The following PCDH9 variants were observed in gnomAD, a reference collection of about 807,000 sequenced individuals.
The protein encoded by PCDH9 is protocadherin-9.
PCDH9 carries 24 observed loss-of-function variants against 70.6 expected under a neutral mutation model. That is an observed-to-expected ratio of 0.34 (90% CI 0.25 to 0.48). PCDH9 has a LOEUF of 0.48. Among genes scored for constraint, PCDH9 ranks in the 20% least tolerant of loss-of-function variants. PCDH9 has a pLI of 0.99. For synonymous variants in PCDH9, 562 were observed against 558.5 expected, an observed-to-expected ratio of 1.01 and a Z score of -0.09; for missense variants, 1,281 against 1,503.6, an observed-to-expected ratio of 0.85 and a Z score of 2.45.
intron 4 of PCDH9, among the ~76,000 whole-genome samples, chr13:66,454,195 C>T (rs962942007): frequency 2.0e-5 from 3 of 151,634 alleles, no homozygotes; most frequent in African/African-American, 7.3e-5. Context: ...AACTAATTTG[C>T]AGCTTGTGAG....
intron 4 of PCDH9, among the ~76,000 whole-genome samples, chr13:66,583,476 G>T (rs185745059): frequency 4.6e-5 from 7 of 151,916 alleles, no homozygotes; most frequent in South Asian, 2.1e-4. Context: ...GCTGGGCTTG[G>T]GGGGACGCGC....
intron 2 of PCDH9, among the ~76,000 whole-genome samples, chr13:66,936,780 T>A (rs2082922582): frequency 1.3e-5 from 2 of 152,210 alleles, no homozygotes; most frequent in Non-Finnish European, 2.9e-5. Flanking sequence ...TAGTGAGCTA[T>A]CAGCAAGTTC....
intron 3 of PCDH9, among the ~76,000 whole-genome samples, chr13:66,845,759 C>T (rs2081197386): frequency 6.6e-6 from 1 of 152,140 alleles, no homozygotes; most frequent in Non-Finnish European, 1.5e-5. Flanking sequence ...AATACTTTTG[C>T]CATAGGTTGT....
At chr13:66,655,799 C>A (rs2077920183) in intron 3 of PCDH9, among the ~76,000 whole-genome samples, 1 of 152,116 alleles carries the variant, frequency 6.6e-6, no homozygotes, top group South Asian at 2.1e-4. Flanking sequence ...GTATTTACTC[C>A]TAATTGTGTT....
chr13:67,189,318 T>A (rs533430629), intron 2 of PCDH9, among the ~76,000 whole-genome samples: 2 of 152,124 alleles, frequency 1.3e-5, no homozygotes, highest in African/African-American at 4.8e-5. Context: ...CTTTCAAGAT[T>A]TTTTATTCTT....
chr13:66,498,765 G>A (rs572984423), intron 4 of PCDH9, among the ~76,000 whole-genome samples: 12 of 152,052 alleles, frequency 7.9e-5, no homozygotes, highest in African/African-American at 1.4e-4. Context: ...TATTAAGTGC[G>A]TAATACCTAA....
In PCDH9 at chr13:66,574,345, T is replaced by C. The variant is rs142135162; in HGVS notation, c.3340+56865A>G. On this transcript the variant is annotated intron_variant, in intron 4 of 4. Coordinates refer to ENST00000377865, the MANE Select transcript of PCDH9 (RefSeq NM_203487.3). ...ACAATCTCATTTCTCTCTCTCTATG[T>C]CTTTACTGAACCAGACCATCTTCCT... Among the ~76,000 whole-genome samples, 413 of 152,298 alleles carry C rather than the reference T, an allele frequency of 2.7e-3. 2 individuals are homozygous for C. The highest frequency in any genetic ancestry group is 5.3e-3 in the Admixed American group (81 of 15,290).
chr13:66,766,791 C>T (rs1035529009), intron 3 of PCDH9, among the ~76,000 whole-genome samples: 1 of 151,930 alleles, frequency 6.6e-6, no homozygotes, highest in African/African-American at 2.4e-5. Flanking sequence ...TTGAAGTTGA[C>T]TGTATAAAAC....
chr13:66,560,177 C>G (rs951899669), intron 4 of PCDH9, among the ~76,000 whole-genome samples: 2 of 152,004 alleles, frequency 1.3e-5, no homozygotes, highest in African/African-American at 4.8e-5. Flanking sequence ...CAGCATGTGC[C>G]GGGTTTATCG....
chr13:66,775,340 T>C (rs971619088), intron 3 of PCDH9, among the ~76,000 whole-genome samples: 2 of 152,200 alleles, frequency 1.3e-5, no homozygotes, highest in Admixed American at 1.3e-4. Context: ...AACAAGGCTT[T>C]GTTAATAATT....
At chr13:67,028,106 A>C (rs888323734) in intron 2 of PCDH9, among the ~76,000 whole-genome samples, 2 of 150,758 alleles carry the variant, frequency 1.3e-5, no homozygotes, top group African/African-American at 4.9e-5. Context: ...GCTGCTATAA[A>C]GACACATGCA....
At chr13:67,163,409 T>C (rs954065924) in intron 2 of PCDH9, among the ~76,000 whole-genome samples, 7 of 152,242 alleles carry the variant, frequency 4.6e-5, no homozygotes, top group African/African-American at 1.2e-4. Context: ...AACAAAGTTA[T>C]TAAAATTGTC....
At chr13:66,569,750 A>G (rs1377596841) in intron 4 of PCDH9, among the ~76,000 whole-genome samples, 1 of 152,134 alleles carries the variant, frequency 6.6e-6, no homozygotes, top group Non-Finnish European at 1.5e-5. Flanking sequence ...ATTAAGTATT[A>G]ATTGAAGACA....
At chr13:66,527,362 A>C (rs959100117) in intron 4 of PCDH9, among the ~76,000 whole-genome samples, 2 of 152,074 alleles carry the variant, frequency 1.3e-5, no homozygotes, top group African/African-American at 4.8e-5. Context: ...CTTTGAATTC[A>C]TCACTTTGTG....
At chr13:66,434,674 G>A (rs1318543137) in intron 4 of PCDH9, among the ~76,000 whole-genome samples, 1 of 151,938 alleles carries the variant, frequency 6.6e-6, no homozygotes, top group African/African-American at 2.4e-5. Context: ...ATGTATGTTT[G>A]TAAGCAGCAC....
chr13:66,539,157 CTT>C (rs973633539), intron 4 of PCDH9, among the ~76,000 whole-genome samples: 4 of 152,040 alleles, frequency 2.6e-5, no homozygotes, highest in South Asian at 4.2e-4. Flanking sequence ...TTTTCTCTCT[CTT>C]GATTCAAACT....
chr13:66,789,989 TC>T, intron 3 of PCDH9, among the ~76,000 whole-genome samples: 1 of 152,092 alleles, frequency 6.6e-6, no homozygotes, highest in East Asian at 1.9e-4. Flanking sequence ...GCATCTATCT[TC>T]TAATGCAATA....
intron 3 of PCDH9, among the ~76,000 whole-genome samples, chr13:66,730,876 G>GTGTGTTTTTTTTTTTTT (rs1555262846): frequency 2.2e-5 from 1 of 46,358 alleles, no homozygotes; most frequent in African/African-American, 7.5e-5. Context: ...GTGTGTGTGT[G>GTGTGTTTTTTTTTTTTT]TTTTTTTTTT....
chr13:66,396,286 C>T (rs1271973688), intron 4 of PCDH9, among the ~76,000 whole-genome samples: 1 of 152,082 alleles, frequency 6.6e-6, no homozygotes, highest in Non-Finnish European at 1.5e-5. Flanking sequence ...CTTTTCAACT[C>T]CCCTTTATGA....
Sources: gnomAD v4.1 joint callset for allele counts (sites outside exome capture counted in the v4.1 genomes callset) on GRCh38, gnomAD v4.1.1 for gene constraint, MANE v1.5 for transcripts, NCBI Gene and HGNC (gene_info 2026-07-23, HGNC 2026-07-21) for gene names.